The following ZNG1E variants were observed in gnomAD, a reference collection of about 807,000 sequenced individuals.
The protein encoded by ZNG1E is zinc-regulated GTPase metalloprotein activator 1E.
the ZNG1E span, among the ~76,000 whole-genome samples, chr9:65,676,910 G>T: frequency 3.4e-5 from 5 of 146,062 alleles, no homozygotes; most frequent in South Asian, 9.0e-4. Flanking sequence ...TTTGGAAAAA[G>T]TTAAGAAATG....
chr9:65,720,945 A>G, the ZNG1E span, among the ~76,000 whole-genome samples: 1 of 147,848 alleles, frequency 6.8e-6, no homozygotes, highest in South Asian at 2.2e-4. Context: ...TGAGAGAAAT[A>G]CAAGTCCTTG....
the ZNG1E span, among the ~76,000 whole-genome samples, chr9:65,684,284 C>T: frequency 6.6e-6 from 1 of 151,604 alleles, no homozygotes; most frequent in Non-Finnish European, 1.5e-5. Context: ...TGCCTGTAAT[C>T]CCAGCACTTT....
chr9:65,657,734 CA>C, the ZNG1E span, among the ~76,000 whole-genome samples: 1 of 152,254 alleles, frequency 6.6e-6, no homozygotes, highest in South Asian at 2.1e-4. Context: ...GTTAGTTACA[CA>C]AAAAAAGGAT....
the ZNG1E span, among the ~76,000 whole-genome samples, chr9:65,660,237 G>A: frequency 7.4e-6 from 1 of 136,026 alleles, no homozygotes; most frequent in Admixed American, 7.5e-5. Flanking sequence ...AAGAATACTG[G>A]ATTCATCTGA....
the ZNG1E span, among the ~76,000 whole-genome samples, chr9:65,687,218 G>A: frequency 2.4e-4 from 33 of 138,208 alleles, no homozygotes; most frequent in Admixed American, 1.4e-3. Flanking sequence ...GCCTAGTTTC[G>A]TGTTGATCAT....
chr9:65,662,162 C>A, the ZNG1E span, among the ~76,000 whole-genome samples: 2 of 152,212 alleles, frequency 1.3e-5, no homozygotes, highest in African/African-American at 2.4e-5. Context: ...AGTATCCCTG[C>A]CAAAAATATA....
the ZNG1E span, among the ~76,000 whole-genome samples, chr9:65,687,391 AT>A: frequency 6.8e-6 from 1 of 147,388 alleles, no homozygotes; most frequent in African/African-American, 2.5e-5. Flanking sequence ...TACTGCATGC[AT>A]TCTTTGGGTT....
the ZNG1E span, among the ~76,000 whole-genome samples, chr9:65,680,356 G>T: frequency 6.6e-6 from 1 of 152,254 alleles, no homozygotes; most frequent in Non-Finnish European, 1.5e-5. Context: ...AAAATCCTGA[G>T]ATTTCTAATA....
At chr9:65,719,900 G>A in the ZNG1E span, 3 of 1,323,836 alleles carry the variant, frequency 2.3e-6, no homozygotes, top group Non-Finnish European at 3.0e-6. Flanking sequence ...ATTGGAATTT[G>A]CAAACAACTT....
chr9:65,678,700 G>A, the ZNG1E span, among the ~76,000 whole-genome samples: 4 of 111,584 alleles, frequency 3.6e-5, no homozygotes, highest in Admixed American at 3.8e-4. Context: ...GCCACCTGCT[G>A]GATAAAGTTG....
At chr9:65,662,587 T>C in the ZNG1E span, among the ~76,000 whole-genome samples, 2 of 151,868 alleles carry the variant, frequency 1.3e-5, no homozygotes, top group African/African-American at 4.8e-5. Context: ...AAGGAAGTTT[T>C]CTCTTTCAGC....
chr9:65,668,456 A>G, the ZNG1E span, among the ~76,000 whole-genome samples: 1 of 150,382 alleles, frequency 6.6e-6, no homozygotes, highest in African/African-American at 2.4e-5. Flanking sequence ...GTTATAATAC[A>G]TTCAGGTATA....
the ZNG1E span, among the ~76,000 whole-genome samples, chr9:65,680,812 G>A: frequency 1.1e-4 from 17 of 151,580 alleles, no homozygotes; most frequent in Admixed American, 1.1e-3. Flanking sequence ...TTTTTGAGAT[G>A]GAGTCTCACT....
At chr9:65,684,489 A>T in the ZNG1E span, among the ~76,000 whole-genome samples, 1 of 152,234 alleles carries the variant, frequency 6.6e-6, no homozygotes, top group East Asian at 1.9e-4. Flanking sequence ...GTGAGCCGAG[A>T]TCACGCCACT....
chr9:65,673,810 A>T, the ZNG1E span, among the ~76,000 whole-genome samples: 1 of 152,296 alleles, frequency 6.6e-6, no homozygotes, highest in Non-Finnish European at 1.5e-5. Flanking sequence ...GTCTCAAAAA[A>T]CAGAAAGAGG....
chr9:65,665,199 G>A, the ZNG1E span, among the ~76,000 whole-genome samples: 2 of 152,394 alleles, frequency 1.3e-5, no homozygotes, highest in African/African-American at 2.4e-5. Context: ...TGTCTCCAGG[G>A]CATGTCAGAG....
chr9:65,710,553 G>T, the ZNG1E span, among the ~76,000 whole-genome samples: 1 of 152,058 alleles, frequency 6.6e-6, no homozygotes, highest in African/African-American at 2.4e-5. Context: ...GAAGGGATCC[G>T]GTTTCAGCTT....
the ZNG1E span, among the ~76,000 whole-genome samples, chr9:65,693,717 C>A: frequency 6.6e-6 from 1 of 151,466 alleles, no homozygotes; most frequent in Non-Finnish European, 1.5e-5. Flanking sequence ...ACCACCATGC[C>A]CAGCTAATTT....
chr9:65,710,606 T>C, the ZNG1E span, among the ~76,000 whole-genome samples: 21 of 152,078 alleles, frequency 1.4e-4, no homozygotes, highest in Non-Finnish European at 2.1e-4. Flanking sequence ...ATTTATTAAA[T>C]ACGGAATCCT....
Sources: gnomAD v4.1 joint callset for allele counts (sites outside exome capture counted in the v4.1 genomes callset) on GRCh38, gnomAD v4.1.1 for gene constraint, MANE v1.5 for transcripts, NCBI Gene and HGNC (gene_info 2026-07-23, HGNC 2026-07-21) for gene names.